CDK14: variants seen among roughly 807,000 people sequenced by gnomAD.
CDK14 encodes the protein cyclin dependent kinase 14.
Under a neutral mutation model 60.7 loss-of-function variants are expected in CDK14, and 34 were observed. That is an observed-to-expected ratio of 0.56 (90% CI 0.43 to 0.75). The LOEUF (loss-of-function observed/expected upper bound fraction) is 0.75. Among genes scored for constraint, CDK14 ranks in the 30% least tolerant of loss-of-function variants. CDK14 has a pLI of 0.00. For synonymous variants in CDK14, 197 were observed against 203.7 expected (o/e 0.97, Z 0.28); for missense variants, 482 against 564.1 (o/e 0.85, Z 1.47).
intron 13 of CDK14, among the ~76,000 whole-genome samples, chr7:91,117,655 A>G (rs536479556): frequency 1.3e-5 from 2 of 152,238 alleles, no homozygotes; most frequent in African/African-American, 4.8e-5. Context: ...GTCTCCCCCA[A>G]ATGGACTCTA....
chr7:91,065,858 G>A (rs141053709), intron 11 of CDK14, among the ~76,000 whole-genome samples: 358 of 152,292 alleles, frequency 2.4e-3, no homozygotes, highest in Non-Finnish European at 4.2e-3. Context: ...AAGGATTTGA[G>A]TGTGTTATTT....
At chr7:90,653,601 A>G (rs1010859071) in intron 2 of CDK14, among the ~76,000 whole-genome samples, 2 of 152,088 alleles carry the variant, frequency 1.3e-5, no homozygotes, top group Admixed American at 6.6e-5. Flanking sequence ...TGAATGCATC[A>G]TGCCCAATTT....
intron 2 of CDK14, among the ~76,000 whole-genome samples, chr7:90,707,675 G>A (rs1046133153): frequency 2.6e-5 from 4 of 152,144 alleles, no homozygotes; most frequent in African/African-American, 9.7e-5. Flanking sequence ...ACCACTGTGA[G>A]TATGGCTTGG....
intron 4 of CDK14, among the ~76,000 whole-genome samples, chr7:90,785,013 C>T (rs1805516452): frequency 6.6e-6 from 1 of 152,186 alleles, no homozygotes; most frequent in African/African-American, 2.4e-5. Flanking sequence ...TACTGTCACT[C>T]CCTCCAAAGT....
intron 2 of CDK14, among the ~76,000 whole-genome samples, chr7:90,683,208 C>T (rs893552935): frequency 6.6e-6 from 1 of 152,016 alleles, no homozygotes; most frequent in Non-Finnish European, 1.5e-5. Flanking sequence ...TGCAAGATCC[C>T]CTATATTTTC....
intron 10 of CDK14, among the ~76,000 whole-genome samples, chr7:91,011,225 G>T (rs1176421732): frequency 2.0e-5 from 3 of 151,970 alleles, no homozygotes; most frequent in Non-Finnish European, 2.9e-5. Context: ...CCTGGAATAG[G>T]TATTGTCCCT....
At chr7:91,148,488 G>C (rs1800724444) in intron 14 of CDK14, among the ~76,000 whole-genome samples, 1 of 152,224 alleles carries the variant, frequency 6.6e-6, no homozygotes, top group Admixed American at 6.5e-5. Context: ...TCCTGGGTGG[G>C]TATGAAGTTT....
At chr7:90,990,266 A>T (rs775155017) in intron 10 of CDK14, among the ~76,000 whole-genome samples, 32 of 152,158 alleles carry the variant, frequency 2.1e-4, no homozygotes, top group Non-Finnish European at 4.0e-4. Flanking sequence ...TGACAGAGTG[A>T]GACCCCGTCT....
At chr7:91,009,465 GC>G (rs1796089030) in intron 10 of CDK14, among the ~76,000 whole-genome samples, 1 of 152,074 alleles carries the variant, frequency 6.6e-6, no homozygotes, top group African/African-American at 2.4e-5. Context: ...TTCCAGTGTT[GC>G]CATACCATTT....
chr7:91,112,847 A>G (rs868274122), intron 13 of CDK14, among the ~76,000 whole-genome samples, 166 bp downstream of exon 13: 24 of 137,982 alleles, frequency 1.7e-4, no homozygotes, highest in South Asian at 1.6e-3. Context: ...GTGTGTGTGT[A>G]TGTGTGGAGA....
intron 9 of CDK14, among the ~76,000 whole-genome samples, chr7:90,956,345 G>A (rs963810312): frequency 3.3e-5 from 5 of 152,082 alleles, no homozygotes; most frequent in African/African-American, 1.2e-4. Flanking sequence ...TTTCACAAAT[G>A]CTTTAGCAAA....
At chr7:90,870,774 A>C (rs907538144) in intron 6 of CDK14, among the ~76,000 whole-genome samples, 4 of 152,200 alleles carry the variant, frequency 2.6e-5, no homozygotes, top group African/African-American at 9.7e-5. Flanking sequence ...TTAAAGGGTG[A>C]TGGGGGACAA....
intron 13 of CDK14, among the ~76,000 whole-genome samples, chr7:91,114,119 T>G (rs1325638881): frequency 1.3e-5 from 2 of 152,180 alleles, no homozygotes; most frequent in Non-Finnish European, 2.9e-5. Flanking sequence ...CTCAAACATA[T>G]GGTTTGTTTT....
At chr7:90,811,811 T>C (rs1203506615) in intron 5 of CDK14, among the ~76,000 whole-genome samples, 2 of 152,194 alleles carry the variant, frequency 1.3e-5, no homozygotes, top group Admixed American at 1.3e-4. Context: ...GCGAAGGATA[T>C]GAAGAGACAC....
At chr7:90,872,449 G>A (rs781040371) in intron 6 of CDK14, among the ~76,000 whole-genome samples, 31 of 152,148 alleles carry the variant, frequency 2.0e-4, no homozygotes, top group Non-Finnish European at 4.0e-4. Context: ...ACCATAAGGA[G>A]AAATTAAAGA....
chr7:91,147,158 TCTCTCACACA>T (rs1340442011), intron 14 of CDK14, among the ~76,000 whole-genome samples: 6 of 107,634 alleles, frequency 5.6e-5, no homozygotes, highest in African/African-American at 1.6e-4. Context: ...TCTCTCTCTC[TCTCTCACACA>T]CACACACACA....
At chr7:90,860,785 A>T (rs1790984007) in intron 5 of CDK14, among the ~76,000 whole-genome samples, 1 of 152,080 alleles carries the variant, frequency 6.6e-6, no homozygotes, top group Admixed American at 6.5e-5. Flanking sequence ...GGCCTCCCAA[A>T]GTGCTGGGAT....
chr7:91,094,091 TG>T (rs1031771464), intron 12 of CDK14, among the ~76,000 whole-genome samples: 5 of 152,036 alleles, frequency 3.3e-5, no homozygotes, highest in Non-Finnish European at 7.4e-5. Flanking sequence ...ACCTGGGTAA[TG>T]GGATCATTCG....
intron 5 of CDK14, among the ~76,000 whole-genome samples, chr7:90,804,437 T>G (rs1788750901): frequency 6.6e-6 from 1 of 152,200 alleles, no homozygotes; most frequent in South Asian, 2.1e-4. Context: ...ACCCTTTCTG[T>G]CTGTCACTGA....
Sources: allele counts gnomAD v4.1 joint callset (sites outside exome capture counted in the v4.1 genomes callset), GRCh38; gene constraint gnomAD v4.1.1; transcripts MANE v1.5; gene names NCBI Gene and HGNC (gene_info 2026-07-23, HGNC 2026-07-21).